MYL4: variants seen among roughly 807,000 people sequenced by gnomAD.
MYL4 encodes atrial myosin light chain 1.
Under a neutral mutation model 21.6 loss-of-function variants are expected in MYL4, and 16 were observed. That is an observed-to-expected ratio of 0.74 (90% CI 0.50 to 1.12). MYL4 has a LOEUF of 1.12. MYL4 is among the 50% of genes most tolerant of loss of function. The probability of loss-of-function intolerance (pLI) is 0.00; values close to 1 mark genes in which losing one functional copy is unlikely to be tolerated. For synonymous variants in MYL4, 82 were observed against 95.7 expected (o/e 0.86, Z 0.83); for missense variants, 249 against 252.9 (o/e 0.98, Z 0.11).
chr17:47,205,546 G>T (rs879611697), upstream of MYL4, among the ~76,000 whole-genome samples: 2 of 152,174 alleles, frequency 1.3e-5, no homozygotes, highest in Non-Finnish European at 2.9e-5. Context: ...AAGGCCAGGG[G>T]TTGATATGTT....
chr17:47,226,262 A>G (rs1199537156), downstream of MYL4, among the ~76,000 whole-genome samples: 4 of 152,246 alleles, frequency 2.6e-5, no homozygotes, highest in Admixed American at 6.5e-5. Context: ...TAAGGAACCA[A>G]TACAAGGAGG....
downstream of MYL4, among the ~76,000 whole-genome samples, chr17:47,223,920 A>T (rs1456380444): frequency 1.3e-5 from 2 of 152,068 alleles, no homozygotes. Context: ...TGTCACCTGG[A>T]GGAGTTTTAT....
downstream of MYL4, among the ~76,000 whole-genome samples, chr17:47,227,524 T>C (rs909011483): frequency 8.5e-5 from 13 of 152,116 alleles, no homozygotes; most frequent in African/African-American, 3.1e-4. Context: ...CTGTCCCTCC[T>C]GCCTCTCCTT....
intron 2 of MYL4, among the ~76,000 whole-genome samples, chr17:47,217,939 G>A (rs1030587163): frequency 2.0e-5 from 3 of 152,002 alleles, no homozygotes; most frequent in African/African-American, 4.8e-5. Flanking sequence ...CTACTCAGGA[G>A]GCTGAGGCAG....
intron 6 of MYL4, 107 bp downstream of exon 6, chr17:47,223,164 G>A (rs1439865938): frequency 8.5e-7 from 1 of 1,174,304 alleles, no homozygotes; most frequent in Non-Finnish European, 1.2e-6. Flanking sequence ...CCCTTAAGAG[G>A]AAACCTCTTG....
At chr17:47,215,499 A>G (rs1189883868) in intron 2 of MYL4, among the ~76,000 whole-genome samples, 1 of 152,180 alleles carries the variant, frequency 6.6e-6, no homozygotes, top group Non-Finnish European at 1.5e-5. Context: ...TGAAGATTAT[A>G]ATGGTTTTCT....
At chr17:47,221,273 C>A (rs569594341) in intron 3 of MYL4, among the ~76,000 whole-genome samples, 14 of 152,250 alleles carry the variant, frequency 9.2e-5, no homozygotes, top group African/African-American at 3.1e-4. Context: ...TGTTGGTTTG[C>A]CCCTGTGATT....
chr17:47,221,107 T>G (rs1238053091), intron 3 of MYL4, among the ~76,000 whole-genome samples: 3 of 152,246 alleles, frequency 2.0e-5, no homozygotes, highest in Non-Finnish European at 2.9e-5. Context: ...CTCTATTAAA[T>G]TAAAGCCTTT....
At chr17:47,195,519 G>A (rs141687679), upstream of MYL4, among the ~76,000 whole-genome samples, 213 of 152,012 alleles carry the variant, frequency 1.4e-3, no homozygotes, top group African/African-American at 4.9e-3. Flanking sequence ...GTGAGCCACC[G>A]TGCCCAGCCA....
chr17:47,219,411 G>C (rs1033056659), intron 2 of MYL4, among the ~76,000 whole-genome samples: 5 of 152,210 alleles, frequency 3.3e-5, no homozygotes, highest in South Asian at 4.1e-4. Flanking sequence ...TTCTGGGCCA[G>C]TGCTGTTTTC....
chr17:47,218,510 G>T (rs1191877988), intron 2 of MYL4, among the ~76,000 whole-genome samples: 3 of 152,160 alleles, frequency 2.0e-5, no homozygotes, highest in Non-Finnish European at 4.4e-5. Flanking sequence ...ATTGGGCCCG[G>T]GTATGATGGC....
intron 1 of MYL4, among the ~76,000 whole-genome samples, chr17:47,213,265 T>C (rs2064789211): frequency 1.3e-5 from 2 of 152,204 alleles, no homozygotes; most frequent in African/African-American, 4.8e-5. Flanking sequence ...GAGCCATCAC[T>C]TAATAAGCGG....
downstream of MYL4, among the ~76,000 whole-genome samples, chr17:47,226,599 A>T (rs1356354396): frequency 6.6e-6 from 1 of 152,242 alleles, no homozygotes; most frequent in Non-Finnish European, 1.5e-5. Flanking sequence ...ATTAATTAAG[A>T]TTATATTTGG....
downstream of MYL4, among the ~76,000 whole-genome samples, chr17:47,225,156 A>C (rs2064880509): frequency 6.6e-6 from 1 of 152,178 alleles, no homozygotes; most frequent in Non-Finnish European, 1.5e-5. Context: ...AATTCAGCCA[A>C]GGCTGCCTGC....
chr17:47,203,958 C>T (rs908359), intron 1 of MYL4, among the ~76,000 whole-genome samples: 43,920 of 152,146 alleles, frequency 0.29, 6,648 homozygotes, highest in African/African-American at 0.36. Context: ...CATGAGCCAC[C>T]GTGTCTGTGG....
chr17:47,196,061 G>T (rs190203016), upstream of MYL4, among the ~76,000 whole-genome samples: 9 of 152,326 alleles, frequency 5.9e-5, no homozygotes, highest in Non-Finnish European at 1.0e-4. Flanking sequence ...TAGACTGGTT[G>T]CATCTCCTCA....
chr17:47,207,385 T>C (rs774845649), upstream of MYL4, among the ~76,000 whole-genome samples: 11 of 152,288 alleles, frequency 7.2e-5, no homozygotes, highest in South Asian at 1.4e-3. Flanking sequence ...ACTTCAACGT[T>C]TCCCTGGACC....
intron 6 of MYL4, 116 bp downstream of exon 6, chr17:47,223,173 T>TAAG: frequency 9.2e-7 from 1 of 1,088,546 alleles, no homozygotes; most frequent in Non-Finnish European, 1.3e-6. Context: ...GGAAACCTCT[T>TAAG]GGGATCAGGA....
chr17:47,218,661 G>A (rs867798426), intron 2 of MYL4, among the ~76,000 whole-genome samples: 1 of 152,136 alleles, frequency 6.6e-6, no homozygotes, highest in Non-Finnish European at 1.5e-5. Context: ...GGTGGTGGGC[G>A]CCTGTAGTCC....
Sources: gnomAD v4.1 joint callset for allele counts (sites outside exome capture counted in the v4.1 genomes callset) on GRCh38, gnomAD v4.1.1 for gene constraint, MANE v1.5 for transcripts, NCBI Gene and HGNC (gene_info 2026-07-23, HGNC 2026-07-21) for gene names.